The following DDX19B variants were observed in gnomAD, a reference collection of about 807,000 sequenced individuals.
The protein encoded by DDX19B is ATP-dependent RNA helicase DDX19B.
A neutral mutation model predicts 58.1 loss-of-function variants in DDX19B; 27 were observed. The ratio of observed to expected loss-of-function variants is 0.46; its 90% CI spans 0.34 to 0.64. The LOEUF (loss-of-function observed/expected upper bound fraction) is 0.64, where lower values mean the gene tolerates loss of function less well. DDX19B is among the 30% of genes least tolerant of loss of function. DDX19B has a pLI of 0.01. For synonymous variants in DDX19B, 187 were observed against 214.4 expected (o/e 0.87, Z 1.12); for missense variants, 399 against 596.5 (o/e 0.67, Z 3.45).
At chr16:70,310,088 G>T (rs367833473) in intron 1 of DDX19B, among the ~76,000 whole-genome samples, 4 of 151,352 alleles carry the variant, frequency 2.6e-5, no homozygotes, top group South Asian at 2.1e-4. Context: ...TACAATAAAA[G>T]ATTAGCTGGG....
intron 10 of DDX19B, 88 bp downstream of exon 10, chr16:70,331,972 G>A (rs948876402): frequency 2.4e-5 from 37 of 1,553,158 alleles, no homozygotes; most frequent in African/African-American, 1.1e-4. Context: ...CAGGGAAGTC[G>A]GATGGTCTCA....
chr16:70,315,772 G>C (rs1567629634), intron 3 of DDX19B, 197 bp from the exon 4 acceptor site: 1 of 645,892 alleles, frequency 1.5e-6, no homozygotes, highest in African/African-American at 1.8e-5. Context: ...AAAAGAATAT[G>C]AGGCCTAAAT....
At chr16:70,295,869 C>T (rs1961198054), upstream of DDX19B, among the ~76,000 whole-genome samples, 1 of 151,720 alleles carries the variant, frequency 6.6e-6, no homozygotes, top group South Asian at 2.1e-4. Context: ...CATAGCAAGA[C>T]CCTGTCTCTA....
intron 5 of DDX19B, among the ~76,000 whole-genome samples, chr16:70,321,020 T>TGGCGCGATCTCGGTTCACCGC (rs1962770039): frequency 2.0e-5 from 3 of 146,494 alleles, no homozygotes; most frequent in East Asian, 2.1e-4. Flanking sequence ...TGGAGTGCAA[T>TGGCGCGATCTCGGTTCACCGC]GGCGCGATCT....
In DDX19B at chr16:70,333,681, G is replaced by T; in HGVS notation, c.*99G>T. The T allele has an allele frequency of 1.5e-5, 24 of 1,571,008 alleles. No individual in the cohort carries two copies. The highest frequency in any genetic ancestry group is 2.1e-5 in the Non-Finnish European group (24 of 1,144,628). On this transcript the variant is annotated 3_prime_UTR_variant, in exon 12 of 12. Coordinates refer to ENST00000288071, the MANE Select transcript of DDX19B (RefSeq NM_007242.7). ...CCCCGACATCACCCCAAGGACAACG[G>T]CACAAGTAGAGAGAAACTACCTACC...
At chr16:70,290,107 T>A (rs1047867254), upstream of DDX19B, 1 of 201,164 alleles carries the variant, frequency 5.0e-6, no homozygotes, top group Admixed American at 5.4e-5. Context: ...TATATATACA[T>A]ATACATATAT....
At chr16:70,310,751 C>T (rs1294171571) in intron 1 of DDX19B, among the ~76,000 whole-genome samples, 1 of 151,952 alleles carries the variant, frequency 6.6e-6, no homozygotes, top group East Asian at 1.9e-4. Context: ...TCTTTTTTGG[C>T]CAGGTGCGGT....
At chr16:70,292,109 G>A (rs572831590), upstream of DDX19B, among the ~76,000 whole-genome samples, 10 of 152,224 alleles carry the variant, frequency 6.6e-5, no homozygotes, top group South Asian at 6.2e-4. Flanking sequence ...CTGAGATCTC[G>A]CGACTGCACT....
In DDX19B at chr16:70,323,985, C is replaced by T. The variant is rs139500295; in HGVS notation, c.390-600C>T. ...CACAGCCAAGGCAGAAGCCCTAAGA[C>T]AAGAGCATGACTGGCATGTTCTCTG... On this transcript the variant is annotated intron_variant, in intron 5 of 11. Transcript: ENST00000288071. Among the ~76,000 whole-genome samples, 757 of 152,146 alleles carry T rather than the reference C, an allele frequency of 5.0e-3. 2 individuals carry two copies. Among genetic ancestry groups the T allele is most frequent in the Non-Finnish European group, 8.7e-3 (591 of 68,008 alleles).
chr16:70,294,072 A>ATTTTT (rs35683856), upstream of DDX19B, among the ~76,000 whole-genome samples: 1 of 63,100 alleles, frequency 1.6e-5, no homozygotes, highest in Non-Finnish European at 2.7e-5. Context: ...GAGAGCCTGA[A>ATTTTT]TTTTTTTTTT....
intron 5 of DDX19B, among the ~76,000 whole-genome samples, chr16:70,322,034 CAA>C (rs879430148): frequency 2.6e-5 from 3 of 114,218 alleles, no homozygotes; most frequent in Non-Finnish European, 3.6e-5. Flanking sequence ...GATTCCGTCT[CAA>C]AAAAAAAAAA....
intron 4 of DDX19B, among the ~76,000 whole-genome samples, chr16:70,316,326 C>T (rs1441805608): frequency 6.6e-6 from 1 of 152,006 alleles, no homozygotes; most frequent in Non-Finnish European, 1.5e-5. Flanking sequence ...TCTCCTGCCT[C>T]AGCCTCCCAA....
intron 7 of DDX19B, among the ~76,000 whole-genome samples, chr16:70,326,505 A>C (rs543118708): frequency 3.3e-5 from 5 of 152,304 alleles, no homozygotes; most frequent in Admixed American, 2.0e-4. Context: ...AAAAACAAAC[A>C]AACAAAAATT....
chr16:70,325,028 G>A (rs994392135), intron 6 of DDX19B, among the ~76,000 whole-genome samples: 3 of 152,160 alleles, frequency 2.0e-5, no homozygotes, highest in Non-Finnish European at 2.9e-5. Context: ...TCCAGCCTGG[G>A]CAAAAAGAAC....
upstream of DDX19B, chr16:70,289,945 A>G (rs1368244923): frequency 5.9e-6 from 2 of 339,042 alleles, no homozygotes; most frequent in Admixed American, 3.9e-5. Flanking sequence ...CATTGTGCCC[A>G]TGGTTACACT....
intron 5 of DDX19B, among the ~76,000 whole-genome samples, chr16:70,320,920 C>A (rs144312877): frequency 6.6e-6 from 1 of 150,472 alleles, no homozygotes; most frequent in Non-Finnish European, 1.5e-5. Flanking sequence ...CTCAAACCCC[C>A]CAAAGTGTTG....
intron 1 of DDX19B, among the ~76,000 whole-genome samples, chr16:70,300,266 AGTGATCT>A (rs2152182951): frequency 6.6e-6 from 1 of 151,060 alleles, no homozygotes; most frequent in African/African-American, 2.4e-5. Flanking sequence ...GGTGCAGTGG[AGTGATCT>A]TGGCTCACTG....
intron 1 of DDX19B, among the ~76,000 whole-genome samples, chr16:70,308,053 A>C (rs1056869096): frequency 2.6e-5 from 4 of 151,922 alleles, no homozygotes; most frequent in Admixed American, 1.3e-4. Flanking sequence ...CCTGGGTTCA[A>C]GTAATTCTCC....
chr16:70,329,967 A>C lies in DDX19B; in HGVS notation c.922A>C (p.Lys308Gln). The change falls in exon 9 of 12, where the codon AAG becomes CAG. Residue 308 changes from lysine to glutamine, a missense_variant. By Grantham distance (53) the Lys-to-Gln change is moderately conservative (BLOSUM62 1). Transcript: ENST00000288071. ...KREEETLDTIKQYYVLCSSRD... is the reference protein window; with the variant it reads ...KREEETLDTIQQYYVLCSSRD... ...TGAGGAAGAGACCCTGGACACCATC[A>C]AGCAGTACTATGTCCTGTGCAGCAG... is the stretch of plus-strand genomic sequence containing the variant. The C allele has an allele frequency of 6.2e-7, 1 of 1,614,206 alleles. No homozygotes were observed.
Sources: allele counts gnomAD v4.1 joint callset (sites outside exome capture counted in the v4.1 genomes callset), GRCh38; gene constraint gnomAD v4.1.1; transcripts MANE v1.5; gene names NCBI Gene and HGNC (gene_info 2026-07-23, HGNC 2026-07-21).